Variants in SPON1 observed in about 807,000 individuals in gnomAD.
The protein encoded by SPON1 is spondin 1, also known as spondin-1.
Under a neutral mutation model 111.7 loss-of-function variants are expected in SPON1, and 52 were observed. The observed-to-expected ratio is 0.47, with a 90% CI of 0.37 to 0.59. The LOEUF is 0.59. Ranked by LOEUF, SPON1 falls within the 20% of genes least tolerant of loss-of-function variation. The pLI, the probability that SPON1 is intolerant of heterozygous loss-of-function variation, is 0.00. For missense variants in SPON1, 957 were observed against 1,068.5 expected, an observed-to-expected ratio of 0.90 and a Z score of 1.46; for synonymous variants, 410 against 395.8, an observed-to-expected ratio of 1.04 and a Z score of -0.43.
chr11:14,221,354 A>G (rs184940561), intron 6 of SPON1, among the ~76,000 whole-genome samples: 19 of 152,346 alleles, frequency 1.2e-4, no homozygotes, highest in Non-Finnish European at 2.2e-4. Flanking sequence ...TTATACATGA[A>G]GAAACTGAGG....
intron 2 of SPON1, among the ~76,000 whole-genome samples, chr11:13,992,067 C>G (rs782588489): frequency 4.6e-5 from 7 of 152,114 alleles, no homozygotes; most frequent in South Asian, 2.1e-4. Context: ...GCAGTCTGAC[C>G]CTTAGCAGAA....
intron 6 of SPON1, among the ~76,000 whole-genome samples, chr11:14,237,114 G>A (rs181544346): frequency 5.3e-5 from 8 of 152,264 alleles, no homozygotes; most frequent in East Asian, 3.9e-4. Context: ...TTACAGCCCC[G>A]TTATCACCTC....
At chr11:14,116,885 A>G (rs1357154162) in intron 5 of SPON1, among the ~76,000 whole-genome samples, 2 of 152,278 alleles carry the variant, frequency 1.3e-5, no homozygotes, top group East Asian at 3.9e-4. Flanking sequence ...AGTTCTCTCA[A>G]TAATGTTTTA....
chr11:14,147,017 CTTTTTTTTTTTTTTT>C (rs34930543), intron 6 of SPON1, among the ~76,000 whole-genome samples: 15 of 65,048 alleles, frequency 2.3e-4, no homozygotes, highest in African/African-American at 1.0e-3. Context: ...ATGAAAGAAC[CTTTTTTTTTTTTTTT>C]TTTTTTTTTT....
At chr11:14,243,309 A>G in intron 6 of SPON1, 23 bp from the exon 7 acceptor site, 1 of 1,567,456 alleles carries the variant, frequency 6.4e-7, no homozygotes, top group Non-Finnish European at 8.7e-7. Flanking sequence ...TGTTCACTAA[A>G]TATTTGTGGT....
At chr11:14,195,071 G>A (rs1331291149) in intron 6 of SPON1, among the ~76,000 whole-genome samples, 1 of 152,138 alleles carries the variant, frequency 6.6e-6, no homozygotes, top group Admixed American at 6.5e-5. Context: ...CATAATGTTC[G>A]ATTTAGCACC....
intron 5 of SPON1, among the ~76,000 whole-genome samples, chr11:14,111,942 T>C (rs1178559689): frequency 6.6e-6 from 1 of 151,798 alleles, no homozygotes; most frequent in Admixed American, 6.6e-5. Context: ...GTCAATAGAA[T>C]TGTGATGTTA....
At chr11:14,196,607 T>C (rs1848405154) in intron 6 of SPON1, among the ~76,000 whole-genome samples, 1 of 152,252 alleles carries the variant, frequency 6.6e-6, no homozygotes. Flanking sequence ...CTTTCCACTT[T>C]CTCACTTTCA....
At chr11:14,038,769 A>C (rs1364097539) in intron 2 of SPON1, among the ~76,000 whole-genome samples, 2 of 152,222 alleles carry the variant, frequency 1.3e-5, no homozygotes, top group Non-Finnish European at 2.9e-5. Flanking sequence ...CAAAATGGTA[A>C]AGCTGCTTTG....
intron 2 of SPON1, among the ~76,000 whole-genome samples, chr11:14,010,043 GAC>G (rs1281629719): frequency 1.3e-5 from 2 of 152,178 alleles, no homozygotes; most frequent in African/African-American, 4.8e-5. Context: ...CATACTGTCT[GAC>G]ACACAGAGAT....
intron 1 of SPON1, among the ~76,000 whole-genome samples, chr11:13,967,658 T>C (rs897499204): frequency 2.6e-5 from 4 of 152,184 alleles, no homozygotes; most frequent in African/African-American, 9.6e-5. Flanking sequence ...CTAAGAAATT[T>C]ACACAAGATG....
intron 2 of SPON1, among the ~76,000 whole-genome samples, chr11:13,984,702 C>G (rs1191860145): frequency 6.6e-6 from 1 of 152,232 alleles, no homozygotes; most frequent in Non-Finnish European, 1.5e-5. Context: ...CATAGCAGCA[C>G]TGTTCTGGCT....
chr11:14,072,208 G>A (rs941636492), intron 3 of SPON1, among the ~76,000 whole-genome samples: 1 of 151,968 alleles, frequency 6.6e-6, no homozygotes, highest in Non-Finnish European at 1.5e-5. Flanking sequence ...TGCCTCCTTA[G>A]TGCAGACTAG....
chr11:13,980,722 C>T (rs1554909544), intron 1 of SPON1, among the ~76,000 whole-genome samples: 1 of 152,078 alleles, frequency 6.6e-6, no homozygotes, highest in African/African-American at 2.4e-5. Context: ...TATTATATGT[C>T]AAATGAATTG....
chr11:14,031,781 GACAA>G (rs1185928361), intron 2 of SPON1, among the ~76,000 whole-genome samples: 1 of 151,934 alleles, frequency 6.6e-6, no homozygotes, highest in Non-Finnish European at 1.5e-5. Flanking sequence ...TTTCATAAAA[GACAA>G]AAGCAACTGT....
At chr11:13,974,276 T>A (rs1278881853) in intron 1 of SPON1, among the ~76,000 whole-genome samples, 1 of 152,170 alleles carries the variant, frequency 6.6e-6, no homozygotes, top group Non-Finnish European at 1.5e-5. Context: ...GGTTGAGGTG[T>A]GTAGCAAGAC....
At chr11:14,215,098 G>A (rs192165565) in intron 6 of SPON1, among the ~76,000 whole-genome samples, 18 of 152,066 alleles carry the variant, frequency 1.2e-4, no homozygotes, top group Admixed American at 1.2e-3. Flanking sequence ...TATTCAGGCT[G>A]GAGTGGCTAT....
chr11:14,001,530 T>TA (rs1377110411), intron 2 of SPON1, among the ~76,000 whole-genome samples: 7 of 152,040 alleles, frequency 4.6e-5, no homozygotes, highest in African/African-American at 1.4e-4. Context: ...ATAAAGGAAG[T>TA]AAAAAAAGGC....
chr11:14,171,122 C>T (rs1236112940), intron 6 of SPON1, among the ~76,000 whole-genome samples: 1 of 152,110 alleles, frequency 6.6e-6, no homozygotes, highest in East Asian at 1.9e-4. Context: ...TCTATCTGGT[C>T]CTGGACTTTT....
Sources: gnomAD v4.1 joint callset for allele counts (sites outside exome capture counted in the v4.1 genomes callset) on GRCh38, gnomAD v4.1.1 for gene constraint, MANE v1.5 for transcripts, NCBI Gene and HGNC (gene_info 2026-07-23, HGNC 2026-07-21) for gene names.